LRRTM4: variants seen among roughly 807,000 people sequenced by gnomAD.
LRRTM4 encodes the protein leucine rich repeat transmembrane neuronal 4.
LRRTM4 carries 25 observed loss-of-function variants against 47.6 expected under a neutral mutation model. That is an observed-to-expected ratio of 0.53 (90% confidence interval 0.38 to 0.73). The LOEUF (loss-of-function observed/expected upper bound fraction) is 0.73. LRRTM4 is among the 30% of genes least tolerant of loss of function. The pLI is 0.00. For synonymous variants in LRRTM4, 311 were observed against 269.5 expected (o/e 1.15, Z -1.51); for missense variants, 638 against 713.4 (o/e 0.89, Z 1.20).
At chr2:76,891,641 A>G (rs538710556) in intron 3 of LRRTM4, among the ~76,000 whole-genome samples, 2 of 151,986 alleles carry the variant, frequency 1.3e-5, no homozygotes, top group South Asian at 2.1e-4. Context: ...CTTTTTACCT[A>G]AAAGGTATTA....
At chr2:77,080,599 T>G (rs2103854242) in intron 3 of LRRTM4, among the ~76,000 whole-genome samples, 1 of 152,292 alleles carries the variant, frequency 6.6e-6, no homozygotes, top group East Asian at 1.9e-4. Context: ...TAATGGAAAT[T>G]CTGTCTCCAG....
At chr2:77,072,976 G>C (rs1368176583) in intron 3 of LRRTM4, among the ~76,000 whole-genome samples, 1 of 152,082 alleles carries the variant, frequency 6.6e-6, no homozygotes, top group South Asian at 2.1e-4. Flanking sequence ...TATATAGATT[G>C]TTGCTTCCTA....
At chr2:77,438,134 A>G (rs1284468266) in intron 3 of LRRTM4, among the ~76,000 whole-genome samples, 1 of 152,148 alleles carries the variant, frequency 6.6e-6, no homozygotes, top group Non-Finnish European at 1.5e-5. Context: ...ATATTTACAA[A>G]CCACATTGCC....
intron 3 of LRRTM4, among the ~76,000 whole-genome samples, chr2:76,951,084 CAGA>C (rs199698363): frequency 0.013 from 2,022 of 151,224 alleles, 45 homozygotes; most frequent in African/African-American, 0.047. Context: ...ATGTTATTCA[CAGA>C]AGGTTTATAC....
At chr2:77,213,235 T>C (rs988800047) in intron 3 of LRRTM4, among the ~76,000 whole-genome samples, 2 of 152,140 alleles carry the variant, frequency 1.3e-5, no homozygotes, top group Admixed American at 1.3e-4. Flanking sequence ...AGTAGGGAAG[T>C]GTGGTCTTGT....
At chr2:77,511,470 T>G (rs906577232) in intron 3 of LRRTM4, among the ~76,000 whole-genome samples, 1 of 151,980 alleles carries the variant, frequency 6.6e-6, no homozygotes, top group Admixed American at 6.6e-5. Context: ...TTTATTTCCA[T>G]GTACAAACAA....
chr2:77,022,525 C>T (rs1025697067), intron 3 of LRRTM4, among the ~76,000 whole-genome samples: 5 of 152,114 alleles, frequency 3.3e-5, no homozygotes, highest in African/African-American at 4.8e-5. Flanking sequence ...CCTGTAAAAT[C>T]GAAAGCAAGC....
At position 76,941,845 on chromosome 2, in the gene LRRTM4, G is replaced by A. The variant is rs551516728; in HGVS notation, c.1552-192929C>T. On this transcript the variant is annotated intron_variant, in intron 3 of 3. Coordinates refer to ENST00000409884, the MANE Select transcript of LRRTM4 (RefSeq NM_001134745.3). ...ATATACCCAGTAATGGGACTGCTGG[G>A]TCAAATGGTATTTCTGTTTCTAGAT... 2.2e-4 allele frequency among the ~76,000 whole-genome samples: 34 copies of A among 152,264 alleles called. No individual in the cohort carries two copies. In the South Asian group the frequency reaches 2.5e-3, roughly 11 times the overall value.
At chr2:77,431,624 T>C (rs1177589368) in intron 3 of LRRTM4, among the ~76,000 whole-genome samples, 2 of 149,002 alleles carry the variant, frequency 1.3e-5, no homozygotes, top group African/African-American at 2.6e-5. Context: ...CAAAATCAGA[T>C]ATGGATGACA....
intron 3 of LRRTM4, among the ~76,000 whole-genome samples, chr2:77,488,850 T>A (rs1033752900): frequency 5.9e-5 from 9 of 151,862 alleles, no homozygotes; most frequent in Non-Finnish European, 1.2e-4. Flanking sequence ...ACCTTGATAA[T>A]CCATTAACAA....
chr2:76,807,435 T>TACACAC (rs71940379), intron 3 of LRRTM4, among the ~76,000 whole-genome samples: 2 of 64,942 alleles, frequency 3.1e-5, no homozygotes, highest in Admixed American at 2.0e-4. Context: ...CATATATATA[T>TACACAC]ACGTATATAC....
At chr2:77,175,071 T>C (rs1046002660) in intron 3 of LRRTM4, among the ~76,000 whole-genome samples, 20 of 98,344 alleles carry the variant, frequency 2.0e-4, no homozygotes, top group African/African-American at 4.8e-5. Flanking sequence ...TTATTTCTTT[T>C]TTCTTTTTTT....
At chr2:76,910,208 A>G (rs1188383615) in intron 3 of LRRTM4, among the ~76,000 whole-genome samples, 10 of 152,194 alleles carry the variant, frequency 6.6e-5, no homozygotes, top group African/African-American at 2.2e-4. Flanking sequence ...GACATGGATG[A>G]AATTGGAAAT....
At chr2:77,025,090 A>G (rs553316666) in intron 3 of LRRTM4, among the ~76,000 whole-genome samples, 2 of 152,152 alleles carry the variant, frequency 1.3e-5, no homozygotes, top group African/African-American at 4.8e-5. Flanking sequence ...AATTAGTGGG[A>G]ATTTATATCA....
chr2:77,080,258 G>C (rs746586200), intron 3 of LRRTM4, among the ~76,000 whole-genome samples: 2 of 152,128 alleles, frequency 1.3e-5, no homozygotes, highest in African/African-American at 2.4e-5. Context: ...TAACTGGTTG[G>C]TTGTTTTCAA....
At chr2:77,369,637 A>G (rs1259147782) in intron 3 of LRRTM4, among the ~76,000 whole-genome samples, 2 of 151,770 alleles carry the variant, frequency 1.3e-5, no homozygotes, top group Non-Finnish European at 2.9e-5. Context: ...GTGCTTAACT[A>G]CAGATATATG....
At chr2:77,316,453 A>C (rs2104212844) in intron 3 of LRRTM4, among the ~76,000 whole-genome samples, 2 of 152,346 alleles carry the variant, frequency 1.3e-5, no homozygotes, top group African/African-American at 4.8e-5. Flanking sequence ...CATGTGACAT[A>C]GATTTTTTTA....
rs78319881 is a variant in LRRTM4, at chr2:77,099,009, A to G, written c.1552-350093T>C. On this transcript the variant is annotated intron_variant, in intron 3 of 3. Coordinates refer to ENST00000409884, the MANE Select transcript of LRRTM4 (RefSeq NM_001134745.3). ...TGGGGAGTAAGTGGAACCATGGAAAATTATACATTTTGATGGTAATTTAAA... is the reference window on the plus strand; with the variant it reads ...TGGGGAGTAAGTGGAACCATGGAAAGTTATACATTTTGATGGTAATTTAAA... 2.6e-3 allele frequency among the ~76,000 whole-genome samples: 391 copies of G among 152,086 alleles called. 3 individuals carry two copies. Among genetic ancestry groups the G allele is most frequent in the African/African-American group, 9.2e-3 (382 of 41,572 alleles).
intron 3 of LRRTM4, among the ~76,000 whole-genome samples, chr2:77,473,535 A>T (rs1440558718): frequency 6.6e-6 from 1 of 152,046 alleles, no homozygotes; most frequent in African/African-American, 2.4e-5. Flanking sequence ...GCACAAGTAA[A>T]ATCAAATAAA....
Sources: allele counts gnomAD v4.1 joint callset (sites outside exome capture counted in the v4.1 genomes callset), GRCh38; gene constraint gnomAD v4.1.1; transcripts MANE v1.5; gene names NCBI Gene and HGNC (gene_info 2026-07-23, HGNC 2026-07-21).